Variants in CDK8 observed in about 807,000 individuals in gnomAD.
CDK8 encodes cyclin dependent kinase 8.
CDK8 carries 29 observed loss-of-function variants against 71.5 expected under a neutral mutation model. The observed-to-expected ratio is 0.41, with a 90% CI of 0.30 to 0.55. The LOEUF (loss-of-function observed/expected upper bound fraction) is 0.55. Among genes scored for constraint, CDK8 ranks in the 20% least tolerant of loss-of-function variants. The pLI is 0.37. For synonymous variants in CDK8, 161 were observed against 192.1 expected (o/e 0.84, Z 1.34); for missense variants, 288 against 572.6 (o/e 0.50, Z 5.07).
chr13:26,358,401 T>C (rs527382397), intron 4 of CDK8, among the ~76,000 whole-genome samples: 2 of 152,256 alleles, frequency 1.3e-5, no homozygotes, highest in Admixed American at 6.5e-5. Flanking sequence ...CTCTTCCCCC[T>C]CTCTCCCTGC....
In CDK8 at chr13:26,274,939, C is replaced by T. The variant is rs537687361; in HGVS notation, c.128+20170C>T. 1.1e-4 allele frequency among the ~76,000 whole-genome samples: 17 copies of T among 152,176 alleles called. No homozygotes were observed. The South Asian group carries it at 3.3e-3, about 30-fold the overall frequency. On this transcript the variant is annotated intron_variant, in intron 1 of 12. Coordinates refer to ENST00000381527, the MANE Select transcript of CDK8 (RefSeq NM_001260.3). ...TTTCACCTAATGTTTTTATGGGTTTCAAAATTACAGTTAAAATTTTATTTA... is the reference window on the plus strand; with the variant it reads ...TTTCACCTAATGTTTTTATGGGTTTTAAAATTACAGTTAAAATTTTATTTA...
intron 1 of CDK8, among the ~76,000 whole-genome samples, chr13:26,314,869 A>G (rs1874437584): frequency 6.6e-6 from 1 of 152,194 alleles, no homozygotes; most frequent in Non-Finnish European, 1.5e-5. Context: ...TTATATCTGT[A>G]TGGTCTTTTA....
At chr13:26,298,704 C>T (rs1873678651) in intron 1 of CDK8, among the ~76,000 whole-genome samples, 1 of 152,132 alleles carries the variant, frequency 6.6e-6, no homozygotes, top group African/African-American at 2.4e-5. Flanking sequence ...CTCAGAGAGA[C>T]CTTGAGGTCT....
At chr13:26,376,640 C>A (rs1874965882) in intron 4 of CDK8, among the ~76,000 whole-genome samples, 7 of 152,144 alleles carry the variant, frequency 4.6e-5, no homozygotes, top group Admixed American at 4.6e-4. Flanking sequence ...GGCTCTGCTA[C>A]AGGAAGTAAA....
intron 1 of CDK8, among the ~76,000 whole-genome samples, chr13:26,294,694 T>C (rs1165373771): frequency 6.6e-6 from 1 of 152,168 alleles, no homozygotes; most frequent in Admixed American, 6.5e-5. Flanking sequence ...CTGTTGGCTA[T>C]TTGAAAGTCT....
chr13:26,277,927 T>C (rs1448307182), intron 1 of CDK8, among the ~76,000 whole-genome samples: 4 of 152,210 alleles, frequency 2.6e-5, no homozygotes, highest in African/African-American at 7.2e-5. Flanking sequence ...GCTTTACTGT[T>C]ACGTAGAATA....
chr13:26,294,157 G>C (rs1293002532), intron 1 of CDK8, among the ~76,000 whole-genome samples: 1 of 150,378 alleles, frequency 6.6e-6, no homozygotes, highest in Admixed American at 6.6e-5. Flanking sequence ...TCAGAGGTGG[G>C]ATCTTGCTTG....
intron 1 of CDK8, among the ~76,000 whole-genome samples, chr13:26,286,831 G>T (rs1873045655): frequency 6.6e-6 from 1 of 152,112 alleles, no homozygotes; most frequent in African/African-American, 2.4e-5. Flanking sequence ...CCATCAAAAA[G>T]TGGGCAAGGG....
intron 1 of CDK8, among the ~76,000 whole-genome samples, chr13:26,294,077 G>C (rs1293223346): frequency 6.6e-6 from 1 of 151,618 alleles, no homozygotes; most frequent in Non-Finnish European, 1.5e-5. Context: ...TTTCATCCAT[G>C]TTGTTGCAAA....
intron 1 of CDK8, among the ~76,000 whole-genome samples, chr13:26,329,843 C>G (rs146778567): frequency 2.0e-5 from 3 of 152,044 alleles, no homozygotes; most frequent in Non-Finnish European, 4.4e-5. Context: ...GGGCTGTCAC[C>G]GGTAGCCATT....
In CDK8 at chr13:26,316,562, A is replaced by C. The variant is rs1381979599; in HGVS notation, c.129-21005A>C. Among the ~76,000 whole-genome samples, 4 of 152,156 alleles carry C rather than the reference A, an allele frequency of 2.6e-5. 1 individual carries two copies. Among genetic ancestry groups the C allele is most frequent in the Admixed American group, 2.0e-4 (3 of 15,274 alleles). On this transcript the variant is annotated intron_variant, in intron 1 of 12. Coordinates refer to ENST00000381527, the MANE Select transcript of CDK8 (RefSeq NM_001260.3). ...CAACTGCATATATGGGAAGTATTAG[A>C]AAGTGACTGCTCATGCCCAGGGAAA...
chr13:26,316,194 A>G (rs889877190), intron 1 of CDK8, among the ~76,000 whole-genome samples: 3 of 152,164 alleles, frequency 2.0e-5, no homozygotes, highest in African/African-American at 7.2e-5. Context: ...GCCTGTCTCT[A>G]CAGAAAATGT....
At chr13:26,294,418 A>G (rs981982050) in intron 1 of CDK8, among the ~76,000 whole-genome samples, 1 of 152,204 alleles carries the variant, frequency 6.6e-6, no homozygotes, top group African/African-American at 2.4e-5. Flanking sequence ...AACATACTGA[A>G]TTCATATCCT....
At chr13:26,339,853 T>C (rs1873164706) in intron 2 of CDK8, among the ~76,000 whole-genome samples, 1 of 150,342 alleles carries the variant, frequency 6.7e-6, no homozygotes, top group South Asian at 2.1e-4. Flanking sequence ...TACATAATTA[T>C]GTCATTTATG....
intron 1 of CDK8, 151 bp from the exon 2 acceptor site, chr13:26,337,416 T>C: frequency 3.5e-6 from 1 of 284,136 alleles, no homozygotes; most frequent in East Asian, 6.1e-5. Context: ...CTAGGTTGTC[T>C]GAAAAGTTTT....
intron 1 of CDK8, among the ~76,000 whole-genome samples, chr13:26,263,856 C>G (rs1431018907): frequency 1.3e-5 from 2 of 151,946 alleles, no homozygotes; most frequent in East Asian, 1.9e-4. Flanking sequence ...ACGCCATTCT[C>G]CTGCCTCAGC....
intron 1 of CDK8, among the ~76,000 whole-genome samples, chr13:26,275,712 T>A (rs893596700): frequency 7.9e-5 from 12 of 152,350 alleles, no homozygotes; most frequent in African/African-American, 1.4e-4. Flanking sequence ...GTATCTCAAA[T>A]AGTCGTAAAC....
intron 4 of CDK8, among the ~76,000 whole-genome samples, chr13:26,362,691 C>A (rs1391143141): frequency 2.0e-5 from 3 of 152,142 alleles, no homozygotes; most frequent in Non-Finnish European, 4.4e-5. Flanking sequence ...ATGCCAGTCT[C>A]TTCTGGAAAC....
chr13:26,353,254 A>G (rs1352600950), intron 3 of CDK8, among the ~76,000 whole-genome samples: 1 of 152,080 alleles, frequency 6.6e-6, no homozygotes, highest in Non-Finnish European at 1.5e-5. Context: ...ACATTTTTCC[A>G]TTGTGAACTG....
Sources: allele counts gnomAD v4.1 joint callset (sites outside exome capture counted in the v4.1 genomes callset), GRCh38; gene constraint gnomAD v4.1.1; transcripts MANE v1.5; gene names NCBI Gene and HGNC (gene_info 2026-07-23, HGNC 2026-07-21).